The following FAM171A1 variants were observed in gnomAD, a reference collection of about 807,000 sequenced individuals.
The protein encoded by FAM171A1 is protein FAM171A1.
Under a neutral mutation model 74.9 loss-of-function variants are expected in FAM171A1, and 23 were observed. The observed-to-expected ratio is 0.31, with a 90% CI of 0.22 to 0.44. FAM171A1 has a LOEUF of 0.44. Among genes scored for constraint, FAM171A1 ranks in the 20% least tolerant of loss-of-function variants. The pLI is 1.00. For synonymous variants in FAM171A1, 527 were observed against 505.7 expected, an observed-to-expected ratio of 1.04 and a Z score of -0.57; for missense variants, 1,162 against 1,159.2, an observed-to-expected ratio of 1.00 and a Z score of -0.03.
chr10:15,239,265 C>A (rs1356760380), intron 5 of FAM171A1, among the ~76,000 whole-genome samples: 2 of 152,036 alleles, frequency 1.3e-5, no homozygotes, highest in African/African-American at 4.8e-5. Flanking sequence ...GTCAAATTGG[C>A]CACTGCACAA....
rs183254145 is a variant in FAM171A1, at chr10:15,224,346, C to T, written c.755-3286G>A. On this transcript the variant is annotated intron_variant, in intron 5 of 7. Transcript: ENST00000378116. ...GGGTGAACAGGACGGAGCAGCTGTG[C>T]CCGGGCTGGAAAGGAGTTAGGCATC... 3.3e-5 allele frequency among the ~76,000 whole-genome samples: 5 copies of T among 152,182 alleles called. No individual in the cohort carries two copies. The East Asian group carries it at 9.7e-4, about 29-fold the overall frequency.
chr10:15,327,372 G>C (rs1034645355), intron 1 of FAM171A1, among the ~76,000 whole-genome samples: 8 of 151,230 alleles, frequency 5.3e-5, no homozygotes, highest in Non-Finnish European at 8.8e-5. Context: ...AAATATGACT[G>C]GGCACGGTGG....
At chr10:15,369,892 G>A (rs1836113784) in intron 1 of FAM171A1, among the ~76,000 whole-genome samples, 1 of 152,224 alleles carries the variant, frequency 6.6e-6, no homozygotes, top group African/African-American at 2.4e-5. Context: ...CCGGGGTTCT[G>A]CAGGGCTGCA....
intron 5 of FAM171A1, among the ~76,000 whole-genome samples, chr10:15,226,251 A>G (rs1834105784): frequency 6.6e-6 from 1 of 152,148 alleles, no homozygotes; most frequent in African/African-American, 2.4e-5. Flanking sequence ...CTGGACAATG[A>G]CATGTGCCTC....
At position 15,282,023 on chromosome 10, in the gene FAM171A1, A is replaced by C. The variant is rs1834976640; in HGVS notation, c.325+1855T>G. 2.0e-5 allele frequency among the ~76,000 whole-genome samples: 3 copies of C among 152,232 alleles called. No homozygotes were observed. The South Asian group carries it at 6.2e-4, about 32-fold the overall frequency. ...TTGCTAAAGCTTATTTGTAACCCCT[A>C]GATGTATTCAGGGCCAAGCTTTTCA... On this transcript the variant is annotated intron_variant, in intron 2 of 7. Coordinates refer to ENST00000378116, the MANE Select transcript of FAM171A1 (RefSeq NM_001010924.2).
chr10:15,312,729 C>CTTTTTTTTTTTTTTTTT (rs1835378817), intron 1 of FAM171A1, among the ~76,000 whole-genome samples: 4 of 50,810 alleles, frequency 7.9e-5, no homozygotes, highest in African/African-American at 1.6e-4. Context: ...CGATATTTTG[C>CTTTTTTTTTTTTTTTTT]TCTTGTTGCC....
chr10:15,278,960 T>C (rs1028082404), intron 2 of FAM171A1, among the ~76,000 whole-genome samples: 5 of 152,090 alleles, frequency 3.3e-5, no homozygotes, highest in African/African-American at 1.2e-4. Context: ...CAGATGCTGC[T>C]GGTAGGAAGC....
intron 1 of FAM171A1, among the ~76,000 whole-genome samples, chr10:15,362,058 T>A (rs1375693304): frequency 1.3e-5 from 2 of 152,262 alleles, no homozygotes; most frequent in Non-Finnish European, 2.9e-5. Flanking sequence ...ATCTTGCTAG[T>A]TCTCACATTT....
At position 15,371,243 on chromosome 10, in the gene FAM171A1, CGCG is replaced by C. The variant is rs559398047; in HGVS notation, c.-194_-192del. Among the ~76,000 whole-genome samples, 599 of 141,664 alleles carry C rather than the reference CGCG, an allele frequency of 4.2e-3. 6 individuals are homozygous for C. The highest frequency in any genetic ancestry group is 0.014 in the African/African-American group (573 of 39,890). The allele number at this position is 141,664 out of a possible 152,430, so 92.9% of individuals were successfully genotyped here. A position where few individuals can be genotyped will look rare whatever the true frequency, so the allele number is the denominator to read the frequency against. ...CCCGCGCCGGGTTTCCCCGAAGAGC[CGCG>C]GCGGCGGCGGCGGCGGCGGCTGCTG... is the stretch of plus-strand genomic sequence containing the variant. On this transcript the variant is annotated 5_prime_UTR_variant, in exon 1 of 8. Transcript: ENST00000378116.
chr10:15,311,920 C>G (rs1336182980), intron 1 of FAM171A1, among the ~76,000 whole-genome samples: 1 of 152,198 alleles, frequency 6.6e-6, no homozygotes, highest in East Asian at 1.9e-4. Context: ...AACTGAAGGC[C>G]TCATCCTACA....
intron 1 of FAM171A1, among the ~76,000 whole-genome samples, chr10:15,342,180 A>G (rs893007172): frequency 1.2e-4 from 19 of 152,184 alleles, no homozygotes; most frequent in African/African-American, 4.6e-4. Context: ...AACTTTTATC[A>G]ACAGGACGGA....
intron 1 of FAM171A1, among the ~76,000 whole-genome samples, chr10:15,331,816 GGTATATATATGTGT>G (rs1211529494): frequency 0.035 from 3,195 of 91,236 alleles, 300 homozygotes; most frequent in Middle Eastern, 0.058. Flanking sequence ...TATATATGTG[GGTATATATATGTGT>G]GTATATATAT....
chr10:15,312,721 A>ATTTTT (rs1835378570), intron 1 of FAM171A1, among the ~76,000 whole-genome samples: 11 of 31,210 alleles, frequency 3.5e-4, no homozygotes, highest in African/African-American at 6.9e-4. Context: ...TTTTGAGACG[A>ATTTTT]TATTTTGCTC....
rs544630820 is a variant in FAM171A1, at chr10:15,243,439, A to G, written c.754+5200T>C. 6.8e-4 allele frequency among the ~76,000 whole-genome samples: 103 copies of G among 152,324 alleles called. 2 individuals carry two copies. In the South Asian group the frequency reaches 0.021, roughly 31 times the overall value. ...ATAGTTCCATCTGCCATGGACATCA[A>G]AAACTTCTTTAAGTTTGTTATTTGT... On this transcript the variant is annotated intron_variant, in intron 5 of 7. Coordinates refer to ENST00000378116, the MANE Select transcript of FAM171A1 (RefSeq NM_001010924.2).
chr10:15,288,872 G>C (rs899862966), intron 1 of FAM171A1, among the ~76,000 whole-genome samples: 29 of 139,160 alleles, frequency 2.1e-4, no homozygotes, highest in African/African-American at 7.6e-4. Flanking sequence ...GCCCAGGCTG[G>C]AGTGCAATGG....
intron 1 of FAM171A1, among the ~76,000 whole-genome samples, chr10:15,345,176 G>A (rs577122702): frequency 1.7e-4 from 26 of 152,304 alleles, no homozygotes; most frequent in African/African-American, 5.8e-4. Context: ...AGAAGAGAAC[G>A]AAGGAAATTG....
intron 1 of FAM171A1, among the ~76,000 whole-genome samples, chr10:15,369,437 T>C (rs1836107057): frequency 6.6e-6 from 1 of 152,164 alleles, no homozygotes; most frequent in Non-Finnish European, 1.5e-5. Flanking sequence ...ACACTGATGA[T>C]CTAATGTCCT....
At chr10:15,266,079 C>T (rs777842775) in intron 3 of FAM171A1, among the ~76,000 whole-genome samples, 8 of 152,160 alleles carry the variant, frequency 5.3e-5, no homozygotes, top group African/African-American at 1.7e-4. Context: ...GTGGGACCCA[C>T]GGACGCCGTC....
chr10:15,224,753 A>T (rs894115089), intron 5 of FAM171A1, among the ~76,000 whole-genome samples: 6 of 152,122 alleles, frequency 3.9e-5, no homozygotes, highest in African/African-American at 1.4e-4. Context: ...GCCATGTGGA[A>T]CTGTGAGTCT....
Sources: allele counts gnomAD v4.1 joint callset (sites outside exome capture counted in the v4.1 genomes callset), GRCh38; gene constraint gnomAD v4.1.1; transcripts MANE v1.5; gene names NCBI Gene and HGNC (gene_info 2026-07-23, HGNC 2026-07-21).